The following ARIH1 variants were observed in gnomAD, a reference collection of about 807,000 sequenced individuals.
The protein encoded by ARIH1 is E3 ubiquitin-protein ligase ARIH1.
Under a neutral mutation model 85.0 loss-of-function variants are expected in ARIH1, and 8 were observed. The observed-to-expected ratio is 0.09, with a 90% CI of 0.06 to 0.17. The LOEUF (loss-of-function observed/expected upper bound fraction) is 0.17. ARIH1 is among the 10% of genes least tolerant of loss of function. The pLI, the probability that ARIH1 is intolerant of heterozygous loss-of-function variation, is 1.00. For synonymous variants in ARIH1, 238 were observed against 253.6 expected, an observed-to-expected ratio of 0.94 and a Z score of 0.59; for missense variants, 311 against 718.1, an observed-to-expected ratio of 0.43 and a Z score of 6.48.
rs2064170487 is a variant in ARIH1 at position 72,555,343 on chromosome 15, A to G, written c.661A>G (p.Met221Val). ...CWSEYLTTKI[M>V]EEGMGQTISC... Reference sequence around the variant, plus strand: ...GAGTGAATATTTAACTACCAAAATAATGGAAGAAGGCATGGGTCAGGTAAA... The same window carrying G: ...GAGTGAATATTTAACTACCAAAATAGTGGAAGAAGGCATGGGTCAGGTAAA... Residue 221 changes from methionine to valine, a missense_variant, in exon 4 of 14, where the codon ATG becomes GTG. Transcript: ENST00000379887. 3.1e-6 allele frequency: 5 copies of G among 1,613,048 alleles called. No homozygotes were observed. Among genetic ancestry groups the G allele is most frequent in the Non-Finnish European group, 3.4e-6 (4 of 1,179,164 alleles).
intron 11 of ARIH1, among the ~76,000 whole-genome samples, chr15:72,574,065 T>G (rs2064259630): frequency 6.6e-6 from 1 of 152,218 alleles, no homozygotes. Context: ...GATGTATTTA[T>G]TTAGCCAGAT....
intron 2 of ARIH1, among the ~76,000 whole-genome samples, chr15:72,539,452 GAA>G (rs34405871): frequency 6.9e-6 from 1 of 145,006 alleles, no homozygotes; most frequent in African/African-American, 2.5e-5. Flanking sequence ...TGACAGAACA[GAA>G]AAAAAAAAGA....
At chr15:72,562,558 A>C (rs1289841536) in intron 6 of ARIH1, among the ~76,000 whole-genome samples, 1 of 151,456 alleles carries the variant, frequency 6.6e-6, no homozygotes, top group Non-Finnish European at 1.5e-5. Flanking sequence ...CTTTTGAGGA[A>C]CTAAAATGCA....
intron 1 of ARIH1, among the ~76,000 whole-genome samples, chr15:72,514,347 T>G (rs1305731810): frequency 6.6e-6 from 1 of 152,188 alleles, no homozygotes; most frequent in East Asian, 1.9e-4. Context: ...TCTGTCATCT[T>G]CTTTCTGATA....
intron 9 of ARIH1, among the ~76,000 whole-genome samples, chr15:72,568,412 G>A (rs866939926): frequency 3.9e-5 from 6 of 152,266 alleles, no homozygotes; most frequent in African/African-American, 9.6e-5. Context: ...TTAAATGGTA[G>A]CCTTTTTTCT....
intron 11 of ARIH1, among the ~76,000 whole-genome samples, chr15:72,577,772 A>ATAGAT (rs1279912598): frequency 2.6e-5 from 4 of 152,162 alleles, no homozygotes; most frequent in Non-Finnish European, 5.9e-5. Context: ...TGGTTTTGCT[A>ATAGAT]TATCTCAGGT....
At chr15:72,517,037 T>C (rs576514929) in intron 1 of ARIH1, among the ~76,000 whole-genome samples, 1 of 152,214 alleles carries the variant, frequency 6.6e-6, no homozygotes, top group Non-Finnish European at 1.5e-5. Flanking sequence ...AATAGTGAGC[T>C]CACTAGTTTC....
intron 11 of ARIH1, among the ~76,000 whole-genome samples, chr15:72,578,815 T>G (rs878926060): frequency 6.5e-5 from 4 of 61,836 alleles, no homozygotes; most frequent in Admixed American, 4.0e-4. Flanking sequence ...TGTTTTTTGG[T>G]GTTTTGTTTT....
At chr15:72,580,710 C>T in intron 11 of ARIH1, 21 bp from the exon 12 acceptor site, 1 of 1,592,980 alleles carries the variant, frequency 6.3e-7, no homozygotes, top group Non-Finnish European at 8.6e-7. Flanking sequence ...TTATATCACC[C>T]AATTTTTCTT....
chr15:72,538,598 C>T (rs1462914440), intron 2 of ARIH1, among the ~76,000 whole-genome samples: 1 of 152,152 alleles, frequency 6.6e-6, no homozygotes, highest in African/African-American at 2.4e-5. Context: ...AGTGGTGATC[C>T]CTACCAGCCC....
chr15:72,562,762 C>G (rs2064202634), intron 6 of ARIH1, among the ~76,000 whole-genome samples: 1 of 151,742 alleles, frequency 6.6e-6, no homozygotes, highest in Non-Finnish European at 1.5e-5. Flanking sequence ...TGAAATAGAA[C>G]TGTAAATAAA....
At chr15:72,506,548 A>G (rs145615789) in intron 1 of ARIH1, among the ~76,000 whole-genome samples, 229 of 152,110 alleles carry the variant, frequency 1.5e-3, no homozygotes, top group African/African-American at 5.3e-3. Flanking sequence ...AGCATTTATA[A>G]ATATTCCTTA....
At chr15:72,577,918 A>G (rs1407974304) in intron 11 of ARIH1, among the ~76,000 whole-genome samples, 2 of 152,126 alleles carry the variant, frequency 1.3e-5, no homozygotes, top group Non-Finnish European at 2.9e-5. Flanking sequence ...TCCTCTTTCC[A>G]TTTGCTTTAG....
At chr15:72,488,528 A>G (rs1185375945) in intron 1 of ARIH1, among the ~76,000 whole-genome samples, 1 of 152,220 alleles carries the variant, frequency 6.6e-6, no homozygotes, top group African/African-American at 2.4e-5. Context: ...GGTATAGCCT[A>G]TAAGAGGTTA....
At chr15:72,549,798 A>G (rs1380499707) in intron 3 of ARIH1, among the ~76,000 whole-genome samples, 1 of 152,194 alleles carries the variant, frequency 6.6e-6, no homozygotes, top group East Asian at 1.9e-4. Flanking sequence ...CTTTAAGTCC[A>G]TTAATTTCTT....
chr15:72,545,489 G>T (rs538903021), intron 3 of ARIH1, among the ~76,000 whole-genome samples: 2 of 152,186 alleles, frequency 1.3e-5, no homozygotes, highest in Non-Finnish European at 2.9e-5. Context: ...GAGAACCAAA[G>T]AACTGATGTT....
chr15:72,582,217 C>T lies in ARIH1; in HGVS notation c.1589+30C>T. 6.7e-7 allele frequency: 1 copy of T among 1,503,332 alleles called. No homozygotes were observed. 93.1% of individuals were successfully genotyped at this position (1,503,332 alleles called of 1,614,324 possible). On this transcript the variant is annotated intron_variant, in intron 13 of 13. Transcript: ENST00000379887. The surrounding 1 kb of genome is among the most constrained non-coding windows in gnomAD (Gnocchi z 4.6). ...TTTTTTTTTAAGCTGTTGAATAAAA[C>T]TTTCTGCCAGTGATGATCCTTACTG...
chr15:72,593,343 G>A lies in ARIH1; in HGVS notation c.*10051G>A, dbSNP rs1178234385. ...AAAGACTCTATGTATTCACTTATTG[G>A]GATCTTTCGATGAACAAATTTTTTT... On this transcript the variant is annotated 3_prime_UTR_variant, in exon 14 of 14. Coordinates refer to ENST00000379887, the MANE Select transcript of ARIH1 (RefSeq NM_005744.5). The A allele has an allele frequency of 6.6e-6, 1 of 151,802 alleles. No homozygotes were observed. Among genetic ancestry groups the A allele is most frequent in the Non-Finnish European group, 1.5e-5 (1 of 67,968 alleles). The allele number at this position is 151,802 out of a possible 1,614,324, so 9.4% of individuals were successfully genotyped here.
chr15:72,542,567 A>G (rs147713386), intron 2 of ARIH1, among the ~76,000 whole-genome samples: 23 of 152,350 alleles, frequency 1.5e-4, no homozygotes, highest in African/African-American at 4.8e-4. Flanking sequence ...ATTATAGTAA[A>G]TAACTACAGT....
Sources: gnomAD v4.1 joint callset for allele counts (sites outside exome capture counted in the v4.1 genomes callset) on GRCh38, gnomAD v4.1.1 for gene constraint, Gnocchi (gnomAD v3.1) non-coding constraint, MANE v1.5 for transcripts, NCBI Gene and HGNC (gene_info 2026-07-23, HGNC 2026-07-21) for gene names.